Variants in TNFRSF8 observed in about 807,000 individuals in gnomAD.
TNFRSF8 encodes the protein TNF receptor superfamily member 8.
In TNFRSF8, 26 loss-of-function variants were observed where a neutral mutation model predicts 70.8. That is an observed-to-expected ratio of 0.37 (90% CI 0.27 to 0.51). TNFRSF8 has a LOEUF of 0.51. Ranked by LOEUF, TNFRSF8 falls within the 20% of genes least tolerant of loss-of-function variation. The pLI is 0.94. For missense variants in TNFRSF8, 720 were observed against 807.9 expected (o/e 0.89, Z 1.32); for synonymous variants, 356 against 339.2 (o/e 1.05, Z -0.54).
At chr1:12,066,293 G>A (rs544220009) in intron 1 of TNFRSF8, among the ~76,000 whole-genome samples, 2 of 151,332 alleles carry the variant, frequency 1.3e-5, no homozygotes, top group East Asian at 1.9e-4. Context: ...TAAAGGTTCG[G>A]GAAGCTCGTT....
chr1:12,108,074 A>ATTTTTTTTTTTTTTTTTTTTTTTTTTT lies in TNFRSF8; in HGVS notation c.422-1485_422-1484insTTTTTTTTTTTTTTTTTTTTTTTTTTT, dbSNP rs199941905. ...CGAAGTCCCACACATACAGGCCACC[A>ATTTTTTTTTTTTTTTTTTTTTTTTTTT]TTTTTTTATTTTTTTTTTTTTTGTG... On this transcript the variant is annotated intron_variant, in intron 4 of 14. Coordinates refer to ENST00000263932, the MANE Select transcript of TNFRSF8 (RefSeq NM_001243.5). This position sits in a 1 kb window ranked among gnomAD's most constrained non-coding sequence, Gnocchi z 4.0. Among the ~76,000 whole-genome samples, 4 of 146,124 alleles carry ATTTTTTTTTTTTTTTTTTTTTTTTTTT rather than the reference A, an allele frequency of 2.7e-5. No individual in the cohort carries two copies. The highest frequency in any genetic ancestry group is 1.4e-4 in the Admixed American group (2 of 14,442).
rs773824266 is a variant in TNFRSF8 at position 12,104,362 on chromosome 1, C to T, written c.269-17C>T. The T allele has an allele frequency of 1.2e-6, 2 of 1,613,976 alleles. No individual in the cohort carries two copies. Among genetic ancestry groups the T allele is most frequent in the African/African-American group, 2.7e-5 (2 of 74,916 alleles). ...TTCCTTCTGTTCCCCTCTGTGACCC[C>T]TGTCTGTGTCCCTTAGACGACCTCG... On this transcript the variant is annotated splice_polypyrimidine_tract_variant and intron_variant, in intron 3 of 14. Transcript: ENST00000263932.
Position 12,119,038 on chromosome 1 carries a change from T to G in TNFRSF8, c.946+3309T>G, listed in dbSNP as rs571792872. Among the ~76,000 whole-genome samples, 11 of 152,306 alleles carry G rather than the reference T, an allele frequency of 7.2e-5. No individual in the cohort carries two copies. The East Asian group carries it at 2.1e-3, about 29-fold the overall frequency. On this transcript the variant is annotated intron_variant, in intron 8 of 14. Coordinates refer to ENST00000263932, the MANE Select transcript of TNFRSF8 (RefSeq NM_001243.5). This position sits in a 1 kb window ranked among gnomAD's most constrained non-coding sequence, Gnocchi z 4.4. ...CGCCACCACGCCTGGCTAATTTTTG[T>G]ATTTTTAGTAGAGACAGGGTTTCAC...
chr1:12,090,101 TCCATCTATCCAC>T (rs1409913374), intron 2 of TNFRSF8, among the ~76,000 whole-genome samples: 19 of 136,682 alleles, frequency 1.4e-4, no homozygotes, highest in Middle Eastern at 4.3e-3. Flanking sequence ...CCCTAACCCA[TCCATCTATCCAC>T]CCATCTATCC....
chr1:12,105,573 T>TCTCA (rs1553156027), intron 4 of TNFRSF8, among the ~76,000 whole-genome samples: 60 of 147,464 alleles, frequency 4.1e-4, no homozygotes, highest in Non-Finnish European at 7.0e-4. Flanking sequence ...TCTCTCTGTC[T>TCTCA]CACACACACA....
chr1:12,126,219 C>T lies in TNFRSF8; in HGVS notation c.1292C>T (p.Pro431Leu), dbSNP rs1641937148. 6.2e-7 allele frequency: 1 copy of T among 1,614,134 alleles called. No individual in the cohort carries two copies. Among genetic ancestry groups the T allele is most frequent in the Non-Finnish European group, 8.5e-7 (1 of 1,180,022 alleles). ...TGCTACCCGGTCCAGACCTCCCAGC[C>T]CAAGCTAGAGCTTGTGGGTGAGTGT... is the stretch of plus-strand genomic sequence containing the variant. ...HLCYPVQTSQ[P>L]KLELVDSRPR... Residue 431 changes from proline to leucine, a missense_variant, in exon 12 of 15, where the codon CCC (proline) becomes CTC (leucine). Pro to Leu is a moderately conservative substitution (Grantham distance 98, BLOSUM62 -3). Transcript: ENST00000263932.
intron 1 of TNFRSF8, among the ~76,000 whole-genome samples, chr1:12,071,982 C>T (rs1311781490): frequency 1.3e-5 from 2 of 152,162 alleles, no homozygotes; most frequent in Admixed American, 1.3e-4. Flanking sequence ...TAGGCATGAG[C>T]CACCTTTGAG....
intron 7 of TNFRSF8, 102 bp from the exon 8 acceptor site, chr1:12,115,475 A>T (rs891835829): frequency 7.1e-6 from 9 of 1,273,716 alleles, no homozygotes; most frequent in Non-Finnish European, 9.2e-6. Flanking sequence ...TTCTTGTTGG[A>T]TGACCCTTGG....
intron 4 of TNFRSF8, among the ~76,000 whole-genome samples, chr1:12,107,026 C>A (rs11121862): frequency 0.021 from 3,274 of 152,334 alleles, 121 homozygotes; most frequent in African/African-American, 0.073. Flanking sequence ...GCGCCAGAGG[C>A]CTCCCTTTGC....
intron 8 of TNFRSF8, among the ~76,000 whole-genome samples, chr1:12,117,361 G>T (rs1333444868): frequency 1.3e-5 from 2 of 152,196 alleles, no homozygotes; most frequent in African/African-American, 4.8e-5. Flanking sequence ...GGGATTACAG[G>T]TGTGAGCCAC....
At chr1:12,117,788 C>A (rs780951269) in intron 8 of TNFRSF8, among the ~76,000 whole-genome samples, 1 of 152,104 alleles carries the variant, frequency 6.6e-6, no homozygotes, top group Non-Finnish European at 1.5e-5. Flanking sequence ...TATCCCTCAC[C>A]CAAATAGCAT....
chr1:12,099,630 T>G lies in TNFRSF8; in HGVS notation c.268+2413T>G, dbSNP rs1570024259. 2.0e-5 allele frequency among the ~76,000 whole-genome samples: 3 copies of G among 152,114 alleles called. No individual in the cohort carries two copies. The South Asian group carries it at 6.2e-4, about 32-fold the overall frequency. Reference sequence around the variant, plus strand: ...GAGGATATAAATTATAGTCATGTATTGCTTATTGACAGGAATACATTCTGA... The same window carrying G: ...GAGGATATAAATTATAGTCATGTATGGCTTATTGACAGGAATACATTCTGA... On this transcript the variant is annotated intron_variant, in intron 3 of 14. Transcript: ENST00000263932.
chr1:12,086,654 T>C (rs1474342935), intron 2 of TNFRSF8, among the ~76,000 whole-genome samples: 5 of 151,538 alleles, frequency 3.3e-5, no homozygotes, highest in African/African-American at 1.2e-4. Flanking sequence ...ACCTAAACAA[T>C]AGACATTTAT....
chr1:12,120,061 A>T (rs74053000), intron 8 of TNFRSF8, among the ~76,000 whole-genome samples: 8,659 of 152,250 alleles, frequency 0.057, 655 homozygotes, highest in East Asian at 0.19. Context: ...ACCCAGCTAA[A>T]TTACAGTCAC....
intron 8 of TNFRSF8, among the ~76,000 whole-genome samples, chr1:12,121,185 G>A (rs374155239): frequency 1.8e-4 from 27 of 152,302 alleles, no homozygotes; most frequent in East Asian, 1.3e-3. Context: ...ATAACACATC[G>A]CATCATCTTC....
At chr1:12,130,474 C>A (rs1570075684) in intron 12 of TNFRSF8, among the ~76,000 whole-genome samples, 1 of 152,178 alleles carries the variant, frequency 6.6e-6, no homozygotes, top group East Asian at 1.9e-4. Flanking sequence ...AGCTGCCTCT[C>A]CAAGGAGCCC....
chr1:12,083,217 A>G (rs1641096023), intron 1 of TNFRSF8, among the ~76,000 whole-genome samples: 1 of 152,248 alleles, frequency 6.6e-6, no homozygotes, highest in East Asian at 1.9e-4. Context: ...GGAAGTGCCT[A>G]CTAGTACGAC....
At chr1:12,067,160 C>T (rs923103483) in intron 1 of TNFRSF8, among the ~76,000 whole-genome samples, 1 of 152,152 alleles carries the variant, frequency 6.6e-6, no homozygotes, top group East Asian at 1.9e-4. Flanking sequence ...ATTTATTCCC[C>T]CATAGCTCCA....
chr1:12,135,800 A>G (rs1474826845), intron 13 of TNFRSF8, among the ~76,000 whole-genome samples, 187 bp downstream of exon 13: 4 of 152,186 alleles, frequency 2.6e-5, no homozygotes, highest in Non-Finnish European at 5.9e-5. Context: ...GACCCACCAC[A>G]GGGACCTCTG....
Sources: allele counts gnomAD v4.1 joint callset (sites outside exome capture counted in the v4.1 genomes callset), GRCh38; gene constraint gnomAD v4.1.1; non-coding constraint Gnocchi (gnomAD v3.1); transcripts MANE v1.5; gene names NCBI Gene and HGNC (gene_info 2026-07-23, HGNC 2026-07-21).